Variants in HCN1 observed in about 807,000 individuals in gnomAD.
The protein encoded by HCN1 is hyperpolarization activated cyclic nucleotide gated potassium channel 1.
Under a neutral mutation model 78.9 loss-of-function variants are expected in HCN1, and 13 were observed. The observed-to-expected ratio is 0.16, with a 90% CI of 0.11 to 0.26. HCN1 has a LOEUF of 0.26. HCN1 is among the 10% of genes least tolerant of loss of function. HCN1 has a pLI of 1.00. For synonymous variants in HCN1, 552 were observed against 455.5 expected, an observed-to-expected ratio of 1.21 and a Z score of -2.70; for missense variants, 810 against 1,154.3, an observed-to-expected ratio of 0.70 and a Z score of 4.32.
At chr5:45,654,122 A>G (rs1745726093) in intron 1 of HCN1, among the ~76,000 whole-genome samples, 1 of 152,072 alleles carries the variant, frequency 6.6e-6, no homozygotes, top group South Asian at 2.1e-4. Flanking sequence ...AATCACTTCA[A>G]ATGAAGGCCA....
At chr5:45,358,503 C>G (rs979702842) in intron 4 of HCN1, among the ~76,000 whole-genome samples, 5 of 152,036 alleles carry the variant, frequency 3.3e-5, no homozygotes, top group African/African-American at 9.7e-5. Context: ...AAGCTACTCT[C>G]TCTCCTTCAA....
At chr5:45,479,989 C>T (rs1052342079) in intron 2 of HCN1, 4 of 152,570 alleles carry the variant, frequency 2.6e-5, no homozygotes, top group Non-Finnish European at 5.9e-5. Context: ...CTTCTAATGA[C>T]TTACCATTTT....
intron 2 of HCN1, among the ~76,000 whole-genome samples, chr5:45,524,262 A>C (rs1411865931): frequency 6.6e-6 from 1 of 152,122 alleles, no homozygotes; most frequent in African/African-American, 2.4e-5. Flanking sequence ...TGGTTACTGT[A>C]GCCTTGTAGT....
chr5:45,299,566 A>G (rs1187504522), intron 6 of HCN1, among the ~76,000 whole-genome samples: 1 of 151,908 alleles, frequency 6.6e-6, no homozygotes, highest in Non-Finnish European at 1.5e-5. Flanking sequence ...AATTTTTTTA[A>G]AGCTTTCCAG....
chr5:45,691,812 A>G (rs1282918156), intron 1 of HCN1, among the ~76,000 whole-genome samples: 1 of 152,220 alleles, frequency 6.6e-6, no homozygotes, highest in African/African-American at 2.4e-5. Context: ...TGAACACATC[A>G]GTGATCTCTG....
chr5:45,374,180 A>T (rs1168417939), intron 4 of HCN1, among the ~76,000 whole-genome samples: 1 of 110,754 alleles, frequency 9.0e-6, no homozygotes, highest in Non-Finnish European at 1.8e-5. Context: ...AATATATATT[A>T]TATATTATAT....
At chr5:45,369,807 C>T (rs763102836) in intron 4 of HCN1, among the ~76,000 whole-genome samples, 5 of 151,778 alleles carry the variant, frequency 3.3e-5, no homozygotes, top group East Asian at 1.9e-4. Flanking sequence ...TTGATTATTC[C>T]GGATCATGAG....
intron 2 of HCN1, among the ~76,000 whole-genome samples, chr5:45,525,245 T>A (rs78955704): frequency 0.019 from 2,870 of 152,038 alleles, 58 homozygotes; most frequent in Non-Finnish European, 0.032. Flanking sequence ...GAGAAAAAAA[T>A]TATTTAAGAC....
intron 1 of HCN1, among the ~76,000 whole-genome samples, chr5:45,691,214 C>T (rs1377710756): frequency 6.6e-6 from 1 of 150,408 alleles, no homozygotes; most frequent in Non-Finnish European, 1.5e-5. Context: ...CATTATTCAA[C>T]AGGCACGTTC....
intron 2 of HCN1, among the ~76,000 whole-genome samples, chr5:45,498,949 T>G (rs1447709001): frequency 6.6e-6 from 1 of 152,170 alleles, no homozygotes; most frequent in Non-Finnish European, 1.5e-5. Context: ...TTCTCAGATC[T>G]CCAGCTGCGT....
chr5:45,377,766 A>G (rs1466825057), intron 4 of HCN1, among the ~76,000 whole-genome samples: 1 of 152,032 alleles, frequency 6.6e-6, no homozygotes, highest in African/African-American at 2.4e-5. Flanking sequence ...TACTATAAAT[A>G]CATAAGACTA....
Position 45,337,139 on chromosome 5 carries a change from A to G in HCN1, c.1377+15961T>C, listed in dbSNP as rs114592477. On this transcript the variant is annotated intron_variant, in intron 5 of 7. Coordinates refer to ENST00000303230, the MANE Select transcript of HCN1 (RefSeq NM_021072.4). Reference sequence around the variant, plus strand: ...ATGGTACCTTCCTCTTCGCCCCACCATCTTTACCCCATCCTCCAAGTGAGC... The same window carrying G: ...ATGGTACCTTCCTCTTCGCCCCACCGTCTTTACCCCATCCTCCAAGTGAGC... Among the ~76,000 whole-genome samples the G allele has an allele frequency of 5.8e-3, 888 of 152,188 alleles. 2 individuals carry two copies. The highest frequency in any genetic ancestry group is 9.8e-3 in the Non-Finnish European group (668 of 67,994).
At chr5:45,575,354 T>A (rs541449656) in intron 2 of HCN1, 1 of 151,870 alleles carries the variant, frequency 6.6e-6, no homozygotes, top group African/African-American at 2.4e-5. Context: ...CACCACATGT[T>A]CTCACTCATA....
At chr5:45,655,092 C>T (rs904480789) in intron 1 of HCN1, among the ~76,000 whole-genome samples, 1 of 152,100 alleles carries the variant, frequency 6.6e-6, no homozygotes, top group Non-Finnish European at 1.5e-5. Flanking sequence ...CAAAATCAAA[C>T]ACGTAACTGT....
chr5:45,473,531 CCTCACCTATGT>C (rs1741451000), intron 2 of HCN1, among the ~76,000 whole-genome samples: 1 of 151,518 alleles, frequency 6.6e-6, no homozygotes, highest in African/African-American at 2.4e-5. Context: ...CTCTCTGATG[CCTCACCTATGT>C]CTCTTTTTCT....
intron 1 of HCN1, among the ~76,000 whole-genome samples, chr5:45,646,750 A>T (rs1165483516): frequency 2.0e-5 from 3 of 152,114 alleles, no homozygotes; most frequent in African/African-American, 7.2e-5. Context: ...TGACACTCCT[A>T]TTAATCAAAT....
intron 3 of HCN1, among the ~76,000 whole-genome samples, chr5:45,410,622 G>A (rs1740004641): frequency 6.6e-6 from 1 of 151,990 alleles, no homozygotes; most frequent in African/African-American, 2.4e-5. Context: ...CAACTCTAAA[G>A]ACATGACTTT....
At chr5:45,280,965 C>G (rs1421225519) in intron 6 of HCN1, among the ~76,000 whole-genome samples, 3 of 149,862 alleles carry the variant, frequency 2.0e-5, no homozygotes, top group Non-Finnish European at 4.4e-5. Flanking sequence ...TTTAATTAAC[C>G]AGGATAAAAT....
chr5:45,387,132 A>G (rs1747938672), intron 4 of HCN1, among the ~76,000 whole-genome samples: 2 of 151,862 alleles, frequency 1.3e-5, no homozygotes, highest in East Asian at 3.9e-4. Flanking sequence ...TTTTGTCCCA[A>G]AGTGGTTTAT....
Sources: allele counts gnomAD v4.1 joint callset (sites outside exome capture counted in the v4.1 genomes callset), GRCh38; gene constraint gnomAD v4.1.1; transcripts MANE v1.5; gene names NCBI Gene and HGNC (gene_info 2026-07-23, HGNC 2026-07-21).